Variants in ZNF76 observed in about 807,000 individuals in gnomAD.
The protein encoded by ZNF76 is zinc finger protein 76, also known as zinc finger protein 523.
In ZNF76, 66 loss-of-function variants were observed where a neutral mutation model predicts 66.9. The observed-to-expected ratio is 0.99, with a 90% confidence interval of 0.81 to 1.21. ZNF76 has a LOEUF of 1.21. Among genes scored for constraint, ZNF76 ranks in the 50% most tolerant of loss-of-function variants. The pLI, the probability that ZNF76 is intolerant of heterozygous loss-of-function variation, is 0.00. For synonymous variants in ZNF76, 275 were observed against 296.1 expected, an observed-to-expected ratio of 0.93 and a Z score of 0.73; for missense variants, 729 against 760.3, an observed-to-expected ratio of 0.96 and a Z score of 0.48.
intron 1 of ZNF76, among the ~76,000 whole-genome samples, chr6:35,272,364 G>C (rs1787201645): frequency 6.6e-6 from 1 of 152,178 alleles, no homozygotes; most frequent in Non-Finnish European, 1.5e-5. Context: ...AGATATTTGA[G>C]AGTCTCAGGC....
In ZNF76 at chr6:35,292,453, C is replaced by T; in HGVS notation, c.932-101C>T. On this transcript the variant is annotated intron_variant, in intron 9 of 13. Transcript: ENST00000373953. This position sits in a 1 kb window ranked among gnomAD's most constrained non-coding sequence, Gnocchi z 4.7. ...CTCAGGTCTCAGTCCCTCTCCCTCC[C>T]TCTGGCTCTCCCTTCACCAACCCTG... The T allele has an allele frequency of 1.6e-6, 2 of 1,245,916 alleles. No homozygotes were observed. The highest frequency in any genetic ancestry group is 2.3e-6 in the Non-Finnish European group (2 of 871,350). 77.2% of individuals were successfully genotyped at this position (1,245,916 alleles called of 1,614,324 possible).
intron 11 of ZNF76, 61 bp downstream of exon 11, chr6:35,293,105 C>G (rs1235614335): frequency 6.4e-7 from 1 of 1,559,362 alleles, no homozygotes; most frequent in Admixed American, 2.0e-5. Flanking sequence ...TCTCTGGGGA[C>G]TCTGGGAGCC....
chr6:35,269,153 C>T (rs1402442645), intron 1 of ZNF76, among the ~76,000 whole-genome samples: 3 of 151,646 alleles, frequency 2.0e-5, no homozygotes, highest in East Asian at 1.9e-4. Flanking sequence ...TGGTGGCAGG[C>T]GCCTGTAGTC....
intron 2 of ZNF76, among the ~76,000 whole-genome samples, chr6:35,283,397 C>G (rs1438824524): frequency 6.6e-6 from 1 of 152,202 alleles, no homozygotes; most frequent in Non-Finnish European, 1.5e-5. Flanking sequence ...ATTTTTGTCT[C>G]TGTCTGCTGG....
intron 2 of ZNF76, among the ~76,000 whole-genome samples, chr6:35,282,126 T>C (rs1351604579): frequency 6.6e-6 from 1 of 152,044 alleles, no homozygotes; most frequent in Non-Finnish European, 1.5e-5. Context: ...GGGACGTATG[T>C]ATACCACATA....
chr6:35,278,429 G>A (rs529383829), intron 1 of ZNF76, among the ~76,000 whole-genome samples: 2 of 152,204 alleles, frequency 1.3e-5, no homozygotes, highest in Non-Finnish European at 2.9e-5. Flanking sequence ...ATATTGATCC[G>A]CTCGCCCCTC....
rs1051309699 is a variant in ZNF76, at chr6:35,290,714, C to T, written c.623C>T (p.Thr208Ile). 3 of 1,614,164 alleles carry T rather than the reference C, an allele frequency of 1.9e-6. No homozygotes were observed. The highest frequency in any genetic ancestry group is 2.5e-6 in the Non-Finnish European group (3 of 1,179,980). ...DFPSCGKAFATGYGLKSHVRT... is the reference protein window; with the variant it reads ...DFPSCGKAFAIGYGLKSHVRT... ...CCCAGCTGTGGAAAGGCCTTTGCCA[C>T]AGGTAACCTGCCTGGTGGGCTGCTT... Residue 208 changes from threonine to isoleucine, a missense_variant and splice_region_variant, in exon 7 of 14, where the codon ACA becomes ATA. Physicochemically the swap from Thr to Ile is moderately conservative, Grantham distance 89. Transcript: ENST00000373953.
At chr6:35,294,264 A>G in intron 12 of ZNF76, 192 bp from the exon 13 acceptor site, 1 of 593,116 alleles carries the variant, frequency 1.7e-6, no homozygotes, top group Non-Finnish European at 3.0e-6. Context: ...CCTAAATTAA[A>G]TTGGGCTCTA....
chr6:35,260,357 C>T (rs1414248576), intron 1 of ZNF76, among the ~76,000 whole-genome samples: 1 of 152,114 alleles, frequency 6.6e-6, no homozygotes, highest in African/African-American at 2.4e-5. Flanking sequence ...CAAAACTCTG[C>T]TGGCGACTCC....
intron 1 of ZNF76, among the ~76,000 whole-genome samples, chr6:35,280,810 T>C (rs1788673826): frequency 6.6e-6 from 1 of 152,160 alleles, no homozygotes; most frequent in African/African-American, 2.4e-5. Context: ...TAGAAATGGG[T>C]TTTGATCAGT....
intron 1 of ZNF76, among the ~76,000 whole-genome samples, chr6:35,271,412 T>C (rs1159410940): frequency 6.6e-6 from 1 of 152,246 alleles, no homozygotes; most frequent in Non-Finnish European, 1.5e-5. Flanking sequence ...CTCACGCCTG[T>C]AATCCCAATA....
intron 1 of ZNF76, among the ~76,000 whole-genome samples, chr6:35,269,280 CAAAAAAAAAA>C (rs10615994): frequency 1.2e-5 from 1 of 82,244 alleles, no homozygotes; most frequent in South Asian, 5.8e-4. Context: ...GACTCTGTCT[CAAAAAAAAAA>C]AAAAAAAAAA....
rs1356123148 is a variant in ZNF76, at chr6:35,276,999, A to T, written c.-96-4057A>T. Among the ~76,000 whole-genome samples, 3 of 146,952 alleles carry T rather than the reference A, an allele frequency of 2.0e-5. No homozygotes were observed. In the South Asian group the frequency reaches 6.4e-4, roughly 31 times the overall value. On this transcript the variant is annotated intron_variant, in intron 1 of 13. Coordinates refer to ENST00000373953, the MANE Select transcript of ZNF76 (RefSeq NM_003427.5). ...TTTTTAGCAGAGGCGGGGTTTCACC[A>T]TGTTGGTCAGGCTGGTCTCGAACTC...
intron 7 of ZNF76, 22 bp from the exon 8 acceptor site, chr6:35,291,256 C>A (rs746652724): frequency 4.4e-6 from 7 of 1,592,272 alleles, no homozygotes; most frequent in East Asian, 2.3e-5. Flanking sequence ...CATCTCACCC[C>A]CTGCCTGCCA....
At chr6:35,265,006 A>C (rs950592271) in intron 1 of ZNF76, among the ~76,000 whole-genome samples, 1 of 152,088 alleles carries the variant, frequency 6.6e-6, no homozygotes, top group African/African-American at 2.4e-5. Context: ...TTACTGGGAG[A>C]TCCTAAAGGT....
At chr6:35,281,419 G>C (rs2150360861) in intron 2 of ZNF76, among the ~76,000 whole-genome samples, 195 bp downstream of exon 2, 1 of 152,258 alleles carries the variant, frequency 6.6e-6, no homozygotes. Context: ...CTACAAGTCA[G>C]ACAATCCCAG....
intron 1 of ZNF76, among the ~76,000 whole-genome samples, chr6:35,265,526 G>C (rs868633548): frequency 7.8e-6 from 1 of 127,632 alleles, no homozygotes; most frequent in East Asian, 2.0e-4. Flanking sequence ...AAAAAAAGAA[G>C]AAGAAGAAGA....
intron 1 of ZNF76, among the ~76,000 whole-genome samples, chr6:35,278,379 G>A (rs1788245577): frequency 6.6e-6 from 1 of 152,182 alleles, no homozygotes; most frequent in Non-Finnish European, 1.5e-5. Flanking sequence ...TGTTAGTCAG[G>A]CTGGTCTCGA....
At chr6:35,282,518 G>A (rs1300671823) in intron 2 of ZNF76, among the ~76,000 whole-genome samples, 1 of 152,282 alleles carries the variant, frequency 6.6e-6, no homozygotes, top group Admixed American at 6.5e-5. Context: ...TGCAGGCCAG[G>A]GACACTTTTC....
Sources: allele counts gnomAD v4.1 joint callset (sites outside exome capture counted in the v4.1 genomes callset), GRCh38; gene constraint gnomAD v4.1.1; non-coding constraint Gnocchi (gnomAD v3.1); transcripts MANE v1.5; gene names NCBI Gene and HGNC (gene_info 2026-07-23, HGNC 2026-07-21).